TRPC4: variants seen among roughly 807,000 people sequenced by gnomAD.
TRPC4 encodes transient receptor potential cation channel subfamily C member 4, also known as short transient receptor potential channel 4.
A neutral mutation model predicts 99.4 loss-of-function variants in TRPC4; 49 were observed. That is an observed-to-expected ratio of 0.49 (90% confidence interval 0.39 to 0.63). The LOEUF (loss-of-function observed/expected upper bound fraction) is 0.63, where lower values mean the gene tolerates loss of function less well. Ranked by LOEUF, TRPC4 falls within the 20% of genes least tolerant of loss-of-function variation. TRPC4 has a pLI of 0.00. For synonymous variants in TRPC4, 454 were observed against 425.9 expected, an observed-to-expected ratio of 1.07 and a Z score of -0.81; for missense variants, 898 against 1,152.9, an observed-to-expected ratio of 0.78 and a Z score of 3.20.
At chr13:37,740,301 T>A (rs17056559) in intron 3 of TRPC4, among the ~76,000 whole-genome samples, 2,811 of 152,126 alleles carry the variant, frequency 0.018, 93 homozygotes, top group African/African-American at 0.064. Context: ...TATGCAGATA[T>A]CAGGTAAATC....
intron 4 of TRPC4, among the ~76,000 whole-genome samples, chr13:37,685,199 C>T (rs957519216): frequency 6.6e-6 from 1 of 152,126 alleles, no homozygotes; most frequent in Non-Finnish European, 1.5e-5. Context: ...AAATCTAAGC[C>T]GGCAAATAGA....
chr13:37,758,197 T>C (rs532632801), intron 2 of TRPC4, among the ~76,000 whole-genome samples: 91 of 152,012 alleles, frequency 6.0e-4, no homozygotes, highest in African/African-American at 2.2e-3. Flanking sequence ...AGAAATCCTA[T>C]TCTACATAAA....
intron 6 of TRPC4, 86 bp from the exon 7 acceptor site, chr13:37,655,369 A>ATG: frequency 2.6e-6 from 1 of 384,578 alleles, no homozygotes; most frequent in South Asian, 1.3e-4. Flanking sequence ...GCATGATTAT[A>ATG]TATATATATA....
intron 3 of TRPC4, among the ~76,000 whole-genome samples, chr13:37,698,779 C>T (rs1487961483): frequency 6.6e-6 from 1 of 152,132 alleles, no homozygotes; most frequent in Non-Finnish European, 1.5e-5. Flanking sequence ...TGCTAGCTGG[C>T]TAATTCACCA....
chr13:37,809,556 A>G (rs1050091488), intron 1 of TRPC4, among the ~76,000 whole-genome samples: 2 of 151,992 alleles, frequency 1.3e-5, no homozygotes, highest in Non-Finnish European at 2.9e-5. Flanking sequence ...CAGGCATAAG[A>G]TGACAGGAAA....
Position 37,663,476 on chromosome 13 carries a change from T to G in TRPC4, c.1628A>C (p.Glu543Ala), listed in dbSNP as rs765252580. 5 of 1,614,204 alleles carry G rather than the reference T, an allele frequency of 3.1e-6. No homozygotes were observed. The highest frequency in any genetic ancestry group is 4.2e-6 in the Non-Finnish European group (5 of 1,180,014). ...GLNQLYFYYEETKGLTCKGIR... is the reference protein window; with the variant it reads ...GLNQLYFYYEATKGLTCKGIR... ...GCCTTTGCAGGTTAACCCTTTCGTTTCTTCATAATAGAAGTACAATTGATT... is the reference window on the plus strand; with the variant it reads ...GCCTTTGCAGGTTAACCCTTTCGTTGCTTCATAATAGAAGTACAATTGATT... The change falls in exon 6 of 11, where the codon GAA becomes GCA. Residue 543 changes from glutamate to alanine, a missense_variant. Physicochemically the swap from Glu to Ala is moderately radical, Grantham distance 107. Around this residue, in one of 3 missense-constraint regions of TRPC4, gnomAD observed 274 missense variants for 454.9 expected, o/e 0.60. Transcript: ENST00000379705.
rs1433911904 is a variant in TRPC4, at chr13:37,746,446, T to C, written c.388A>G (p.Ile130Val). The change falls in exon 3 of 11, where the codon ATA (isoleucine) becomes GTA (valine). Residue 130 changes from isoleucine (I) to valine (V), a missense_variant. Ile to Val is a conservative substitution (Grantham distance 29). This residue lies in a region of TRPC4 where 278 missense variants were observed against 346.6 expected (regional missense o/e 0.80). Coordinates refer to ENST00000379705, the MANE Select transcript of TRPC4 (RefSeq NM_016179.4). ...TCAGAGAACTGCTTATCAAGGAGTA[T>C]AGGAGGCACCTAAAAAAAAAAAAGG... is the stretch of plus-strand genomic sequence containing the variant. ...KPSGEKQVPP[I>V]LLDKQFSEFT... 1 of 1,509,448 alleles carries C rather than the reference T, an allele frequency of 6.6e-7. No individual in the cohort carries two copies. Among genetic ancestry groups the C allele is most frequent in the Non-Finnish European group, 8.8e-7 (1 of 1,141,080 alleles). 93.5% of individuals were successfully genotyped at this position (1,509,448 alleles called of 1,614,324 possible). A position where few individuals can be genotyped will look rare whatever the true frequency, so the allele number is the denominator to read the frequency against.
At chr13:37,677,420 G>A (rs1205610008) in intron 4 of TRPC4, among the ~76,000 whole-genome samples, 1 of 151,638 alleles carries the variant, frequency 6.6e-6, no homozygotes, top group Non-Finnish European at 1.5e-5. Flanking sequence ...AAAAGTACAG[G>A]CATAACTCTA....
intron 1 of TRPC4, among the ~76,000 whole-genome samples, chr13:37,843,893 A>G (rs548914929): frequency 6.6e-6 from 1 of 152,294 alleles, no homozygotes; most frequent in Non-Finnish European, 1.5e-5. Flanking sequence ...GGACCAAAGC[A>G]CTGAGAAAAT....
chr13:37,635,245 G>C lies in TRPC4; in HGVS notation c.*1658C>G, dbSNP rs942336604. On this transcript the variant is annotated 3_prime_UTR_variant, in exon 11 of 11. Transcript: ENST00000379705. The stretch of plus-strand genomic sequence containing the variant: ...TTATAACTTGCTCTTTTTATGTTCT[G>C]AAAGGCAGTTACAATGCAGTGGTGA... 3.9e-5 allele frequency among the ~76,000 whole-genome samples: 6 copies of C among 152,162 alleles called. No homozygotes were observed. The highest frequency in any genetic ancestry group is 3.3e-4 in the Admixed American group (5 of 15,260).
At chr13:37,641,574 G>T (rs986146938) in intron 8 of TRPC4, among the ~76,000 whole-genome samples, 1 of 152,188 alleles carries the variant, frequency 6.6e-6, no homozygotes, top group Non-Finnish European at 1.5e-5. Context: ...TTATGCGGCT[G>T]ATAGAGCTCT....
intron 3 of TRPC4, among the ~76,000 whole-genome samples, chr13:37,743,822 A>G (rs1955663402): frequency 6.6e-6 from 1 of 152,192 alleles, no homozygotes; most frequent in African/African-American, 2.4e-5. Flanking sequence ...CATTGACAGC[A>G]TTCTGTTATG....
At chr13:37,831,535 C>T (rs1442239912) in intron 1 of TRPC4, among the ~76,000 whole-genome samples, 2 of 152,134 alleles carry the variant, frequency 1.3e-5, no homozygotes, top group African/African-American at 2.4e-5. Flanking sequence ...CCTGGGTATA[C>T]ACTCAAAGGA....
chr13:37,799,098 AT>A (rs993756372), intron 1 of TRPC4, among the ~76,000 whole-genome samples: 3 of 150,992 alleles, frequency 2.0e-5, no homozygotes, highest in Admixed American at 1.3e-4. Flanking sequence ...TGCCCAGCTA[AT>A]TTTTTTTTGT....
rs76484441 is a variant in TRPC4 at position 37,789,949 on chromosome 13, G to A, written c.-27-6589C>T. 7.2e-3 allele frequency among the ~76,000 whole-genome samples: 1,092 copies of A among 152,172 alleles called. 15 individuals are homozygous for A. The highest frequency in any genetic ancestry group is 0.025 in the African/African-American group (1,030 of 41,548). Reference sequence around the variant, plus strand: ...ATTTGAGTATCTTATAACAGAAGAAGTAGAATTAGTGTACCAGATAACAGG... The same window carrying A: ...ATTTGAGTATCTTATAACAGAAGAAATAGAATTAGTGTACCAGATAACAGG... On this transcript the variant is annotated intron_variant, in intron 1 of 10. Transcript: ENST00000379705.
At chr13:37,694,792 T>G (rs1251382996) in intron 3 of TRPC4, among the ~76,000 whole-genome samples, 1 of 152,082 alleles carries the variant, frequency 6.6e-6, no homozygotes, top group Non-Finnish European at 1.5e-5. Context: ...CAGGAGTGAG[T>G]GTGTGTAATA....
intron 3 of TRPC4, 52 bp downstream of exon 3, chr13:37,745,885 A>C: frequency 6.4e-7 from 1 of 1,551,998 alleles, no homozygotes; most frequent in Middle Eastern, 1.7e-4. Context: ...AGTTTGCTTC[A>C]CTGTGATTAA....
Position 37,759,796 on chromosome 13 carries a change from T to C in TRPC4, c.379-13341A>G, listed in dbSNP as rs556429512. On this transcript the variant is annotated intron_variant, in intron 2 of 10. Coordinates refer to ENST00000379705, the MANE Select transcript of TRPC4 (RefSeq NM_016179.4). ...TTTATGGGAGAGTATGCAGTATTTA[T>C]ACAAATTTCGAGAAGTCTTACCTCA... Among the ~76,000 whole-genome samples the C allele has an allele frequency of 2.6e-5, 4 of 152,062 alleles. No individual in the cohort carries two copies. In the East Asian group the frequency reaches 5.8e-4, roughly 22 times the overall value.
At chr13:37,778,713 C>CT (rs1044114097) in intron 2 of TRPC4, among the ~76,000 whole-genome samples, 1 of 151,932 alleles carries the variant, frequency 6.6e-6, no homozygotes, top group Non-Finnish European at 1.5e-5. Flanking sequence ...ATAGCAAAGT[C>CT]TTTTTTTCCA....
Sources: allele counts gnomAD v4.1 joint callset (sites outside exome capture counted in the v4.1 genomes callset), GRCh38; gene constraint gnomAD v4.1.1; regional missense constraint gnomAD v4.1.1; transcripts MANE v1.5; gene names NCBI Gene and HGNC (gene_info 2026-07-23, HGNC 2026-07-21).